The following GRIA1 variants were observed in gnomAD, a reference collection of about 807,000 sequenced individuals.
GRIA1 encodes glutamate receptor 1.
GRIA1 carries 31 observed loss-of-function variants against 99.2 expected under a neutral mutation model. The observed-to-expected ratio is 0.31, with a 90% CI of 0.23 to 0.42. The LOEUF is 0.42. Ranked by LOEUF, GRIA1 falls within the 10% of genes least tolerant of loss-of-function variation. GRIA1 has a pLI of 1.00. For synonymous variants in GRIA1, 438 were observed against 432.4 expected (o/e 1.01, Z -0.16); for missense variants, 782 against 1,157.5 (o/e 0.68, Z 4.71).
intron 2 of GRIA1, among the ~76,000 whole-genome samples, chr5:153,626,711 G>C (rs1013139598): frequency 2.0e-5 from 3 of 152,130 alleles, no homozygotes; most frequent in Non-Finnish European, 4.4e-5. Context: ...CACTGTCTGT[G>C]TAGCAAGATG....
chr5:153,491,304 G>T, intron 1 of GRIA1: 1 of 1,222,550 alleles, frequency 8.2e-7, no homozygotes, highest in African/African-American at 1.5e-5. Flanking sequence ...TCTATTGCTT[G>T]GTAGATGGTG....
intron 13 of GRIA1, among the ~76,000 whole-genome samples, chr5:153,777,419 A>G (rs1764327096): frequency 6.6e-6 from 1 of 152,122 alleles, no homozygotes; most frequent in Non-Finnish European, 1.5e-5. Context: ...CCAGAGTTTG[A>G]CCTCACTGGG....
At chr5:153,590,506 A>ATGTGTGTG (rs5872325) in intron 2 of GRIA1, among the ~76,000 whole-genome samples, 212 of 147,940 alleles carry the variant, frequency 1.4e-3, no homozygotes, top group Non-Finnish European at 2.1e-3. Flanking sequence ...AGCTATTGAA[A>ATGTGTGTG]TGTGTGTGTG....
intron 4 of GRIA1, among the ~76,000 whole-genome samples, chr5:153,654,612 T>C (rs1377505541): frequency 1.3e-5 from 2 of 152,200 alleles, no homozygotes; most frequent in East Asian, 3.8e-4. Flanking sequence ...TCATTGTGTG[T>C]GCTTGCATTT....
chr5:153,741,667 C>T (rs1193817233), intron 11 of GRIA1, among the ~76,000 whole-genome samples: 2 of 152,012 alleles, frequency 1.3e-5, no homozygotes, highest in Non-Finnish European at 2.9e-5. Context: ...GGACAAATAC[C>T]GCATGGTTCC....
chr5:153,557,106 C>T (rs1246615222), intron 2 of GRIA1, among the ~76,000 whole-genome samples: 1 of 152,144 alleles, frequency 6.6e-6, no homozygotes, highest in East Asian at 1.9e-4. Context: ...GTATAAGGCA[C>T]TTACCATGAA....
intron 11 of GRIA1, among the ~76,000 whole-genome samples, chr5:153,759,187 A>G (rs1310653220): frequency 2.0e-5 from 3 of 151,436 alleles, no homozygotes; most frequent in African/African-American, 4.8e-5. Flanking sequence ...AGAACAAACT[A>G]AATCTCAAAT....
intron 2 of GRIA1, among the ~76,000 whole-genome samples, chr5:153,554,366 T>G (rs1356696588): frequency 6.6e-6 from 1 of 152,196 alleles, no homozygotes; most frequent in Non-Finnish European, 1.5e-5. Flanking sequence ...TTTAAGTATA[T>G]TATCAAAGGA....
intron 2 of GRIA1, among the ~76,000 whole-genome samples, chr5:153,540,027 A>T (rs187402726): frequency 6.6e-6 from 1 of 152,324 alleles, no homozygotes; most frequent in Admixed American, 6.5e-5. Flanking sequence ...TTTCTCTGAA[A>T]ATCTGTGCTG....
chr5:153,511,964 C>T (rs1468540228), intron 2 of GRIA1, among the ~76,000 whole-genome samples: 5 of 152,214 alleles, frequency 3.3e-5, no homozygotes. Context: ...TGAAATAACA[C>T]CCAGCCTCTG....
intron 2 of GRIA1, among the ~76,000 whole-genome samples, chr5:153,497,836 T>C (rs1282776751): frequency 2.6e-5 from 4 of 152,206 alleles, no homozygotes; most frequent in African/African-American, 7.2e-5. Flanking sequence ...TGGAGTACTT[T>C]ATCCATAGTA....
intron 2 of GRIA1, among the ~76,000 whole-genome samples, chr5:153,616,651 G>A (rs1766535388): frequency 6.6e-6 from 1 of 152,164 alleles, no homozygotes; most frequent in Admixed American, 6.6e-5. Context: ...CATATAGTAA[G>A]TCATTTAATA....
Position 153,677,257 on chromosome 5 carries a change from G to A in GRIA1, c.1029+96G>A, listed in dbSNP as rs1181432562. 5 of 1,042,786 alleles carry A rather than the reference G, an allele frequency of 4.8e-6. No homozygotes were observed. In the African/African-American group the frequency reaches 6.6e-5, roughly 14 times the overall value. 64.6% of individuals were successfully genotyped at this position (1,042,786 alleles called of 1,614,324 possible). ...ACACAGCTATTCTAAAGAAAAGGAA[G>A]AAAATGCCTGAAGTTCAGAACAACC... On this transcript the variant is annotated intron_variant, in intron 7 of 15. Transcript: ENST00000285900.
chr5:153,741,162 G>A (rs552570821), intron 11 of GRIA1, among the ~76,000 whole-genome samples: 2 of 152,010 alleles, frequency 1.3e-5, no homozygotes, highest in Non-Finnish European at 2.9e-5. Flanking sequence ...ATTTTTAGTA[G>A]AGATGGTTTC....
At chr5:153,756,520 TATAGCCAGGAA>T (rs2064690590) in intron 11 of GRIA1, among the ~76,000 whole-genome samples, 1 of 152,158 alleles carries the variant, frequency 6.6e-6, no homozygotes, top group Admixed American at 6.5e-5. Flanking sequence ...CTCCTCTCAC[TATAGCCAGGAA>T]ATTGTCCCAC....
intron 11 of GRIA1, among the ~76,000 whole-genome samples, chr5:153,709,958 G>T (rs2149525946): frequency 6.6e-6 from 1 of 152,238 alleles, no homozygotes; most frequent in South Asian, 2.1e-4. Flanking sequence ...AATGTTTTCT[G>T]CACTGGCACC....
chr5:153,746,541 T>C (rs915314353), intron 11 of GRIA1, among the ~76,000 whole-genome samples: 1 of 152,170 alleles, frequency 6.6e-6, no homozygotes, highest in Non-Finnish European at 1.5e-5. Context: ...GCCAGAGATA[T>C]GTTTGGCCAC....
chr5:153,524,184 G>A (rs939453723), intron 2 of GRIA1, among the ~76,000 whole-genome samples: 3 of 152,134 alleles, frequency 2.0e-5, no homozygotes, highest in Non-Finnish European at 4.4e-5. Flanking sequence ...AAAATTAGCT[G>A]GGCGTGGTGG....
chr5:153,608,997 C>T (rs939458630), intron 2 of GRIA1, among the ~76,000 whole-genome samples: 2 of 152,140 alleles, frequency 1.3e-5, no homozygotes, highest in African/African-American at 4.8e-5. Context: ...TGTCTATTTC[C>T]AGTTCAGCCT....
Sources: allele counts gnomAD v4.1 joint callset (sites outside exome capture counted in the v4.1 genomes callset), GRCh38; gene constraint gnomAD v4.1.1; transcripts MANE v1.5; gene names NCBI Gene and HGNC (gene_info 2026-07-23, HGNC 2026-07-21).